The following FAM133B variants were observed in gnomAD, a reference collection of about 807,000 sequenced individuals.
The protein encoded by FAM133B is protein FAM133B.
FAM133B carries 25 observed loss-of-function variants against 46.4 expected under a neutral mutation model. That is an observed-to-expected ratio of 0.54 (90% CI 0.39 to 0.75). The LOEUF (loss-of-function observed/expected upper bound fraction) is 0.75, where lower values mean the gene tolerates loss of function less well. Ranked by LOEUF, FAM133B falls within the 30% of genes least tolerant of loss-of-function variation. The probability of loss-of-function intolerance (pLI) is 0.00; values close to 1 mark genes in which losing one functional copy is unlikely to be tolerated. For missense variants in FAM133B, 205 were observed against 277.6 expected (o/e 0.74, Z 1.86); for synonymous variants, 75 against 86.0 (o/e 0.87, Z 0.71).
At chr7:92,579,243 T>A (rs1794794125) in intron 3 of FAM133B, 74 bp downstream of exon 3, 4 of 1,340,520 alleles carry the variant, frequency 3.0e-6, no homozygotes, top group Non-Finnish European at 1.0e-6. Context: ...CCTCCCAAAG[T>A]GCTGGAATTA....
chr7:92,567,191 T>C (rs767758026), intron 9 of FAM133B, among the ~76,000 whole-genome samples: 34 of 152,306 alleles, frequency 2.2e-4, no homozygotes, highest in Middle Eastern at 3.4e-3. Flanking sequence ...CCCTCCAGCC[T>C]GGGCGATAGA....
chr7:92,584,933 T>C (rs1794997415), intron 1 of FAM133B, among the ~76,000 whole-genome samples: 1 of 151,786 alleles, frequency 6.6e-6, no homozygotes, highest in Admixed American at 6.6e-5. Context: ...TTTGGGAGGG[T>C]GAGGTGGGAG....
At chr7:92,590,158 C>G in intron 1 of FAM133B, 110 bp downstream of exon 1, 9 of 1,556,506 alleles carry the variant, frequency 5.8e-6, no homozygotes, top group African/African-American at 1.4e-5. Context: ...CCAGGCCCCA[C>G]GTCTGAGGGC....
At chr7:92,581,794 TTGTGTGTGTG>T (rs10578440) in intron 1 of FAM133B, 191 bp from the exon 2 acceptor site, 3,278 of 315,990 alleles carry the variant, frequency 0.01, 16 homozygotes, top group East Asian at 0.026. Context: ...TGGGAGAAAA[TTGTGTGTGTG>T]TGTGTGTGTG....
At chr7:92,569,242 T>C (rs1462575811) in intron 9 of FAM133B, among the ~76,000 whole-genome samples, 1 of 152,206 alleles carries the variant, frequency 6.6e-6, no homozygotes, top group Non-Finnish European at 1.5e-5. Flanking sequence ...AGGGCAAACT[T>C]GGCTTAGATT....
intron 4 of FAM133B, 38 bp from the exon 5 acceptor site, chr7:92,578,220 T>C: frequency 6.2e-7 from 1 of 1,609,480 alleles, no homozygotes; most frequent in East Asian, 2.2e-5. Flanking sequence ...AATAAGCTGA[T>C]GTGAGTTTGC....
chr7:92,590,269 A>G lies in FAM133B; in HGVS notation c.23T>C (p.Val8Ala), dbSNP rs756109908. The G allele has an allele frequency of 1.9e-6, 3 of 1,613,484 alleles. No homozygotes were observed. The highest frequency in any genetic ancestry group is 8.5e-7 in the Non-Finnish European group (1 of 1,179,602). Residue 8 changes from valine to alanine, a missense_variant and splice_region_variant, in exon 1 of 11, where the codon GTG (valine) becomes GCG (alanine). By Grantham distance (64) the Val-to-Ala change is moderately conservative. Coordinates refer to ENST00000445716, the MANE Select transcript of FAM133B (RefSeq NM_152789.4). Reference protein sequence around the residue: MGKRDNRVAYMNPIAMAR... With the variant: MGKRDNRAAYMNPIAMAR... ...CTGTTTTCCCGGCTGAGTACTCACCACCCGATTGTCCCGCTTCCCCATGGT... is the reference window on the plus strand; with the variant it reads ...CTGTTTTCCCGGCTGAGTACTCACCGCCCGATTGTCCCGCTTCCCCATGGT...
intron 5 of FAM133B, 139 bp from the exon 6 acceptor site, chr7:92,577,856 TA>T (rs1313106340): frequency 1.4e-6 from 1 of 740,336 alleles, no homozygotes; most frequent in African/African-American, 1.8e-5. Context: ...TATGAAAATA[TA>T]AAATGTCACA....
At chr7:92,565,821 AGG>A in intron 10 of FAM133B, 191 bp downstream of exon 10, 1 of 598,906 alleles carries the variant, frequency 1.7e-6, no homozygotes, top group East Asian at 2.8e-5. Flanking sequence ...GCTTGCTACC[AGG>A]GTATTTTTTA....
At chr7:92,579,218 G>A in intron 3 of FAM133B, 99 bp downstream of exon 3, 2 of 973,522 alleles carry the variant, frequency 2.1e-6, no homozygotes, top group South Asian at 1.5e-5. Context: ...ATGAACTCCT[G>A]GCCTCCCGTT....
chr7:92,578,458 G>C (rs1794768412), intron 3 of FAM133B, 65 bp from the exon 4 acceptor site: 3 of 1,347,102 alleles, frequency 2.2e-6, no homozygotes, highest in Admixed American at 1.9e-5. Flanking sequence ...AATATACAGA[G>C]ACAGCCACTG....
chr7:92,572,921 T>C (rs897054434), intron 8 of FAM133B, among the ~76,000 whole-genome samples: 1 of 152,054 alleles, frequency 6.6e-6, no homozygotes, highest in Non-Finnish European at 1.5e-5. Flanking sequence ...TAAGGATAGA[T>C]GTCAACAGTA....
At chr7:92,581,038 C>T (rs750495813) in intron 2 of FAM133B, among the ~76,000 whole-genome samples, 9 of 152,274 alleles carry the variant, frequency 5.9e-5, no homozygotes, top group East Asian at 3.9e-4. Flanking sequence ...GTATTAATAA[C>T]GAGGAAGACA....
chr7:92,573,468 T>C (rs903146391), intron 8 of FAM133B, among the ~76,000 whole-genome samples: 4 of 151,920 alleles, frequency 2.6e-5, no homozygotes, highest in East Asian at 1.9e-4. Flanking sequence ...TTTCTTCTTT[T>C]TTTTTTTTAA....
At chr7:92,575,686 TAAAA>T in intron 8 of FAM133B, 81 bp downstream of exon 8, 1 of 641,148 alleles carries the variant, frequency 1.6e-6, no homozygotes, top group South Asian at 2.5e-5. Context: ...ATATATCTCT[TAAAA>T]AGAGATACAC....
Position 92,560,778 on chromosome 7 carries a change from A to AT in FAM133B, c.*1503dup, listed in dbSNP as rs1794133275. ...TTTACTTGCAGTCCAAAGGGAGCTG[A>AT]TAAGAACACAGCTATTTTTAAGTAA... is the stretch of plus-strand genomic sequence containing the variant. On this transcript the variant is annotated 3_prime_UTR_variant, in exon 11 of 11. Transcript: ENST00000445716. 1 of 152,244 alleles carries AT rather than the reference A, an allele frequency of 6.6e-6. No individual in the cohort carries two copies. The highest frequency in any genetic ancestry group is 1.5e-5 in the Non-Finnish European group (1 of 68,032). 9.4% of individuals were successfully genotyped at this position (152,244 alleles called of 1,614,324 possible).
In FAM133B at chr7:92,581,794, TTGTGTGTGTGTGTGTG is replaced by T. The variant is rs10578440; in HGVS notation, c.25-207_25-192del. 1,123 of 316,258 alleles carry T rather than the reference TTGTGTGTGTGTGTGTG, an allele frequency of 3.6e-3. 11 individuals are homozygous for T. The highest frequency in any genetic ancestry group is 0.015 in the African/African-American group (702 of 45,498). The allele number at this position is 316,258 out of a possible 1,614,324, so 19.6% of individuals were successfully genotyped here. Reference sequence around the variant, plus strand: ...TAAGTCTTAAAAGTTTGGGAGAAAATTGTGTGTGTGTGTGTGTGTGTGTGTGTGTGTGTGTGTGTTT... The same window carrying T: ...TAAGTCTTAAAAGTTTGGGAGAAAATTGTGTGTGTGTGTGTGTGTGTGTTT... On this transcript the variant is annotated intron_variant, in intron 1 of 10. Coordinates refer to ENST00000445716, the MANE Select transcript of FAM133B (RefSeq NM_152789.4).
At chr7:92,563,312 A>C (rs981402076) in intron 10 of FAM133B, among the ~76,000 whole-genome samples, 3 of 152,230 alleles carry the variant, frequency 2.0e-5, no homozygotes, top group African/African-American at 4.8e-5. Flanking sequence ...TTTGAAGTAC[A>C]TAGGGAATAT....
chr7:92,582,896 C>G (rs6950219), intron 1 of FAM133B, among the ~76,000 whole-genome samples: 7 of 152,060 alleles, frequency 4.6e-5, no homozygotes, highest in Non-Finnish European at 8.8e-5. Context: ...GAATGTAAAA[C>G]GGTGTGGCCA....
Sources: allele counts gnomAD v4.1 joint callset (sites outside exome capture counted in the v4.1 genomes callset), GRCh38; gene constraint gnomAD v4.1.1; transcripts MANE v1.5; gene names NCBI Gene and HGNC (gene_info 2026-07-23, HGNC 2026-07-21).